The following RAB38 variants were observed in gnomAD, a reference collection of about 807,000 sequenced individuals.
RAB38 encodes the protein RAB38, member RAS oncogene family.
Under a neutral mutation model 18.4 loss-of-function variants are expected in RAB38, and 15 were observed. The observed-to-expected ratio is 0.82, with a 90% CI of 0.55 to 1.26. RAB38 has a LOEUF of 1.26. Ranked by LOEUF, RAB38 falls within the 50% of genes most tolerant of loss-of-function variation. The probability of loss-of-function intolerance (pLI) is 0.00; values close to 1 mark genes in which losing one functional copy is unlikely to be tolerated. For synonymous variants in RAB38, 101 were observed against 104.4 expected (o/e 0.97, Z 0.20); for missense variants, 294 against 267.4 (o/e 1.10, Z -0.69).
At chr11:87,936,623 T>G in the RAB38 span, among the ~76,000 whole-genome samples, 2,143 of 152,214 alleles carry the variant, frequency 0.014, 23 homozygotes, top group Non-Finnish European at 0.021. Context: ...TTCCTTCCAC[T>G]TTATTCTTCT....
At chr11:88,008,742 C>G in the RAB38 span, among the ~76,000 whole-genome samples, 1 of 152,228 alleles carries the variant, frequency 6.6e-6, no homozygotes, top group African/African-American at 2.4e-5. Context: ...GGCGCCATCT[C>G]GGCTCACTGC....
intron 2 of RAB38, among the ~76,000 whole-genome samples, chr11:88,131,441 T>G (rs781692761): frequency 7.9e-5 from 12 of 152,226 alleles, no homozygotes; most frequent in Non-Finnish European, 1.2e-4. Context: ...AGAATGCTGA[T>G]TTTTGCATAG....
At chr11:87,854,127 A>G in the RAB38 span, among the ~76,000 whole-genome samples, 201 of 30,800 alleles carry the variant, frequency 6.5e-3, 3 homozygotes, top group East Asian at 0.047. Context: ...ACACCTGCAA[A>G]GGTTTTTGTT....
chr11:88,094,088 T>G, the RAB38 span, among the ~76,000 whole-genome samples: 1 of 151,766 alleles, frequency 6.6e-6, no homozygotes, highest in Non-Finnish European at 1.5e-5. Flanking sequence ...TGTTGACAGC[T>G]CCACTCCCCA....
the RAB38 span, among the ~76,000 whole-genome samples, chr11:88,004,639 A>C: frequency 8.6e-5 from 13 of 151,290 alleles, no homozygotes; most frequent in Non-Finnish European, 1.8e-4. Context: ...TCATTGCATA[A>C]AAGAAGAAGA....
the RAB38 span, among the ~76,000 whole-genome samples, chr11:87,813,273 G>T: frequency 6.6e-6 from 1 of 152,270 alleles, no homozygotes; most frequent in African/African-American, 2.4e-5. Flanking sequence ...AGATTCCCCA[G>T]CTCTTTTCAT....
chr11:88,092,380 GAGAGAGAGAGAGAGAGAGAGA>G, the RAB38 span, among the ~76,000 whole-genome samples: 19 of 30,812 alleles, frequency 6.2e-4, no homozygotes, highest in Non-Finnish European at 1.3e-3. Context: ...GAGAGAGAGA[GAGAGAGAGAGAGAGAGAGAGA>G]GAGAGAGAGA....
At position 88,113,410 on chromosome 11, in the gene RAB38, T is replaced by G. The variant is rs1032353063; in HGVS notation, c.*578A>C. The G allele has an allele frequency of 3.3e-5, 5 of 153,372 alleles. No homozygotes were observed. The highest frequency in any genetic ancestry group is 1.2e-4 in the African/African-American group (5 of 41,434). 9.5% of individuals were successfully genotyped at this position (153,372 alleles called of 1,614,324 possible). On this transcript the variant is annotated 3_prime_UTR_variant, in exon 3 of 3. Transcript: ENST00000243662. The stretch of plus-strand genomic sequence containing the variant: ...CATGTCTTTTCATACAATATTCAGT[T>G]AAGCCAACATTCAGGCCATGGCAAG...
the RAB38 span, among the ~76,000 whole-genome samples, chr11:87,805,808 T>A: frequency 6.6e-6 from 1 of 151,990 alleles, no homozygotes; most frequent in Non-Finnish European, 1.5e-5. Flanking sequence ...AAACCCAGGA[T>A]AGAGACCAGG....
chr11:87,918,255 A>G, the RAB38 span, among the ~76,000 whole-genome samples: 1 of 152,112 alleles, frequency 6.6e-6, no homozygotes, highest in South Asian at 2.1e-4. Flanking sequence ...TTCATCATGT[A>G]TATATGCCAC....
chr11:88,041,658 G>A, the RAB38 span, among the ~76,000 whole-genome samples: 6 of 152,190 alleles, frequency 3.9e-5, no homozygotes, highest in South Asian at 2.1e-4. Flanking sequence ...TGCCTAGCCC[G>A]TGAAATTGAG....
intron 2 of RAB38, among the ~76,000 whole-genome samples, chr11:88,139,338 A>T (rs1006005404): frequency 6.6e-6 from 1 of 152,150 alleles, no homozygotes; most frequent in Non-Finnish European, 1.5e-5. Context: ...GGCCTCTCTT[A>T]TTCTTGGCAA....
chr11:88,080,066 A>C, the RAB38 span, among the ~76,000 whole-genome samples: 1 of 151,796 alleles, frequency 6.6e-6, no homozygotes, highest in Admixed American at 6.6e-5. Context: ...AAAAACAAAA[A>C]TAAAGATATA....
At chr11:88,026,391 G>A in the RAB38 span, among the ~76,000 whole-genome samples, 33 of 150,362 alleles carry the variant, frequency 2.2e-4, no homozygotes, top group Non-Finnish European at 4.1e-4. Context: ...GTGAAATCCC[G>A]TCTCCACTAA....
the RAB38 span, among the ~76,000 whole-genome samples, chr11:88,064,934 AT>A: frequency 6.6e-6 from 1 of 152,228 alleles, no homozygotes; most frequent in Non-Finnish European, 1.5e-5. Context: ...TGTGAAAAAA[AT>A]CTTCTGGTTC....
chr11:88,029,617 T>C, the RAB38 span, among the ~76,000 whole-genome samples: 1 of 151,628 alleles, frequency 6.6e-6, no homozygotes, highest in African/African-American at 2.4e-5. Context: ...CCAACAAAGA[T>C]CAAAAGAGAC....
chr11:87,942,548 A>G, the RAB38 span, among the ~76,000 whole-genome samples: 185 of 152,238 alleles, frequency 1.2e-3, 1 homozygote, highest in African/African-American at 4.3e-3. Flanking sequence ...AGTTATTCCC[A>G]CAGTGGAAAT....
At chr11:88,031,556 A>C in the RAB38 span, among the ~76,000 whole-genome samples, 2 of 152,014 alleles carry the variant, frequency 1.3e-5, no homozygotes, top group Non-Finnish European at 2.9e-5. Flanking sequence ...TCAATGTACA[A>C]AAATCACAAG....
At chr11:87,860,922 T>C in the RAB38 span, among the ~76,000 whole-genome samples, 1 of 151,862 alleles carries the variant, frequency 6.6e-6, no homozygotes, top group Non-Finnish European at 1.5e-5. Flanking sequence ...GGCCGAGATA[T>C]CAGTTCAAAA....
Sources: allele counts gnomAD v4.1 joint callset (sites outside exome capture counted in the v4.1 genomes callset), GRCh38; gene constraint gnomAD v4.1.1; transcripts MANE v1.5; gene names NCBI Gene and HGNC (gene_info 2026-07-23, HGNC 2026-07-21).